The following FLRT2 variants were observed in gnomAD, a reference collection of about 807,000 sequenced individuals.
FLRT2 encodes the protein leucine-rich repeat transmembrane protein FLRT2.
FLRT2 carries 15 observed loss-of-function variants against 40.0 expected under a neutral mutation model. The ratio of observed to expected loss-of-function variants is 0.38; its 90% CI spans 0.25 to 0.58. The LOEUF (loss-of-function observed/expected upper bound fraction) is 0.58, where lower values mean the gene tolerates loss of function less well. FLRT2 is among the 20% of genes least tolerant of loss of function. FLRT2 has a pLI of 0.71. For synonymous variants in FLRT2, 380 were observed against 336.8 expected (o/e 1.13, Z -1.41); for missense variants, 726 against 840.0 (o/e 0.86, Z 1.68).
rs1894274959 is a variant in FLRT2 at position 85,645,457 on chromosome 14, T to C, written c.*21960T>C. On this transcript the variant is annotated 3_prime_UTR_variant, in exon 2 of 2. Transcript: ENST00000330753. ...CCATACCTGCTTCTCAGAGAAACTA[T>C]AGAGAAGAGGAAACTTCCAAGTGAG... is the stretch of plus-strand genomic sequence containing the variant. 2 of 152,094 alleles carry C rather than the reference T, an allele frequency of 1.3e-5. No individual in the cohort carries two copies. Among genetic ancestry groups the C allele is most frequent in the South Asian group, 4.1e-4 (2 of 4,832 alleles). The allele number at this position is 152,094 out of a possible 1,614,324, so 9.4% of individuals were successfully genotyped here.
chr14:85,642,944 A>G lies in FLRT2; in HGVS notation c.*19447A>G, dbSNP rs1199035619. On this transcript the variant is annotated 3_prime_UTR_variant, in exon 2 of 2. Coordinates refer to ENST00000330753, the MANE Select transcript of FLRT2 (RefSeq NM_013231.6). ...AAACAATAAACATTTATTACTTCCA[A>G]TTCTTGAGGCTGTGAAGCCCAAGAT... is the stretch of plus-strand genomic sequence containing the variant. 2 of 152,212 alleles carry G rather than the reference A, an allele frequency of 1.3e-5. No homozygotes were observed. Among genetic ancestry groups the G allele is most frequent in the East Asian group, 3.9e-4 (2 of 5,180 alleles). 9.4% of individuals were successfully genotyped at this position (152,212 alleles called of 1,614,324 possible).
rs1178402741 is a variant in FLRT2 at position 85,627,367 on chromosome 14, C to T, written c.*3870C>T. The T allele has an allele frequency of 1.2e-5, 2 of 167,066 alleles. No homozygotes were observed. Among genetic ancestry groups the T allele is most frequent in the Non-Finnish European group, 2.9e-5 (2 of 68,112 alleles). 10.3% of individuals were successfully genotyped at this position (167,066 alleles called of 1,614,324 possible). The stretch of plus-strand genomic sequence containing the variant: ...CATAACCTACATCCTTCTCTGATTT[C>T]TTCAGCAGGGTCAAAAGACAGTTAC... On this transcript the variant is annotated 3_prime_UTR_variant, in exon 2 of 2. Transcript: ENST00000330753.
chr14:85,543,212 A>G (rs2139812737), intron 1 of FLRT2, among the ~76,000 whole-genome samples: 1 of 152,270 alleles, frequency 6.6e-6, no homozygotes, highest in East Asian at 1.9e-4. Flanking sequence ...TGGGAATGTG[A>G]GTTCTTGAAA....
intron 1 of FLRT2, among the ~76,000 whole-genome samples, chr14:85,608,111 C>T (rs893002751): frequency 5.3e-5 from 8 of 152,128 alleles, no homozygotes; most frequent in African/African-American, 1.9e-4. Flanking sequence ...ACTCTGTCTC[C>T]AAATATAGTC....
At chr14:85,540,751 G>A (rs1392071066) in intron 1 of FLRT2, among the ~76,000 whole-genome samples, 1 of 151,898 alleles carries the variant, frequency 6.6e-6, no homozygotes, top group Non-Finnish European at 1.5e-5. Context: ...TAGTACTTTA[G>A]CAGTACATTG....
intron 1 of FLRT2, among the ~76,000 whole-genome samples, chr14:85,534,951 T>C (rs1288188283): frequency 1.3e-5 from 2 of 152,080 alleles, no homozygotes; most frequent in East Asian, 1.9e-4. Context: ...TGTCTTCTCC[T>C]GTGAATGGGA....
chr14:85,564,970 A>G (rs978806091), intron 1 of FLRT2, among the ~76,000 whole-genome samples: 1 of 152,198 alleles, frequency 6.6e-6, no homozygotes, highest in African/African-American at 2.4e-5. Flanking sequence ...CTATGATAGC[A>G]AGAAAAGAGC....
chr14:85,553,597 G>A (rs1889775574), intron 1 of FLRT2, among the ~76,000 whole-genome samples: 1 of 152,140 alleles, frequency 6.6e-6, no homozygotes, highest in Non-Finnish European at 1.5e-5. Flanking sequence ...GGGGACTACG[G>A]ACATTAGATT....
chr14:85,612,775 C>T (rs972099010), intron 1 of FLRT2, among the ~76,000 whole-genome samples: 1 of 152,148 alleles, frequency 6.6e-6, no homozygotes, highest in Non-Finnish European at 1.5e-5. Context: ...AGAGCCATCT[C>T]TATGATACCA....
chr14:85,614,442 A>G (rs1893032829), intron 1 of FLRT2, among the ~76,000 whole-genome samples: 1 of 152,210 alleles, frequency 6.6e-6, no homozygotes, highest in Admixed American at 6.5e-5. Flanking sequence ...AGGGAATGGA[A>G]GTGCTGAGAT....
intron 1 of FLRT2, among the ~76,000 whole-genome samples, chr14:85,588,481 C>CT (rs1156633112): frequency 1.4e-5 from 2 of 147,908 alleles, no homozygotes; most frequent in East Asian, 2.0e-4. Context: ...TTAATTTTTA[C>CT]TTTTTTTGGG....
At chr14:85,556,522 C>T (rs1373706020) in intron 1 of FLRT2, among the ~76,000 whole-genome samples, 3 of 152,170 alleles carry the variant, frequency 2.0e-5, no homozygotes, top group Admixed American at 2.0e-4. Flanking sequence ...CTGCAGGGCG[C>T]ACCTATGCCA....
At position 85,626,152 on chromosome 14, in the gene FLRT2, C is replaced by G. The variant is rs1042093965; in HGVS notation, c.*2655C>G. ...CGTCTCCCATTTGTTACAGCCTCAC[C>G]TGCACCAGGATAGAAAGCACGTGAT... On this transcript the variant is annotated 3_prime_UTR_variant, in exon 2 of 2. Coordinates refer to ENST00000330753, the MANE Select transcript of FLRT2 (RefSeq NM_013231.6). 6.0e-6 allele frequency: 1 copy of G among 167,106 alleles called. No homozygotes were observed. The highest frequency in any genetic ancestry group is 2.1e-4 in the South Asian group (1 of 4,834). The allele number at this position is 167,106 out of a possible 1,614,324, so 10.4% of individuals were successfully genotyped here. A position where few individuals can be genotyped will look rare whatever the true frequency, so the allele number is the denominator to read the frequency against.
At chr14:85,530,773 G>A (rs1436020943) in intron 1 of FLRT2, among the ~76,000 whole-genome samples, 1 of 152,078 alleles carries the variant, frequency 6.6e-6, no homozygotes, top group African/African-American at 2.4e-5. Flanking sequence ...GGAGCATCAT[G>A]ACTGAGTTCT....
intron 1 of FLRT2, among the ~76,000 whole-genome samples, chr14:85,616,074 A>G (rs551827944): frequency 6.6e-6 from 1 of 152,262 alleles, no homozygotes; most frequent in East Asian, 1.9e-4. Context: ...GTAGCCTGGA[A>G]TAGCTGCTGG....
intron 1 of FLRT2, among the ~76,000 whole-genome samples, chr14:85,558,286 G>C (rs559876378): frequency 6.6e-6 from 1 of 152,068 alleles, no homozygotes; most frequent in South Asian, 2.1e-4. Context: ...GGCTTTTCAG[G>C]AATTTTTTTT....
rs775899415 is a variant in FLRT2 at position 85,623,226 on chromosome 14, G to A, written c.1712G>A (p.Arg571His). ...VFCWHMHKKGRYTSQKWKYNR... is the reference protein window; with the variant it reads ...VFCWHMHKKGHYTSQKWKYNR... ...TGCTGGCATATGCACAAAAAGGGGC[G>A]CTACACCTCCCAGAAGTGGAAATAC... Residue 571 changes from arginine to histidine, a missense_variant, in exon 2 of 2, where the codon CGC becomes CAC. Around this residue, in one of 3 missense-constraint regions of FLRT2, gnomAD observed 611 missense variants for 690.0 expected, o/e 0.89. Coordinates refer to ENST00000330753, the MANE Select transcript of FLRT2 (RefSeq NM_013231.6). The A allele has an allele frequency of 8.5e-6, 13 of 1,528,092 alleles. No homozygotes were observed. The Admixed American group carries it at 2.6e-4, about 30-fold the overall frequency. The allele number at this position is 1,528,092 out of a possible 1,614,324, so 94.7% of individuals were successfully genotyped here. A position where few individuals can be genotyped will look rare whatever the true frequency, so the allele number is the denominator to read the frequency against.
chr14:85,577,630 A>G (rs914658052), intron 1 of FLRT2, among the ~76,000 whole-genome samples: 6 of 151,548 alleles, frequency 4.0e-5, no homozygotes, highest in Non-Finnish European at 8.8e-5. Context: ...CGTGTTGCCC[A>G]GGTCAGAGTA....
chr14:85,557,856 G>A (rs946273800), intron 1 of FLRT2, among the ~76,000 whole-genome samples: 2 of 151,038 alleles, frequency 1.3e-5, no homozygotes, highest in Non-Finnish European at 3.0e-5. Context: ...ATTAACAAAA[G>A]CAAACTAAAA....
Sources: allele counts gnomAD v4.1 joint callset (sites outside exome capture counted in the v4.1 genomes callset), GRCh38; gene constraint gnomAD v4.1.1; regional missense constraint gnomAD v4.1.1; transcripts MANE v1.5; gene names NCBI Gene and HGNC (gene_info 2026-07-23, HGNC 2026-07-21).